The following CLSTN2 variants were observed in gnomAD, a reference collection of about 807,000 sequenced individuals.
CLSTN2 encodes calsyntenin-2.
CLSTN2 carries 48 observed loss-of-function variants against 101.2 expected under a neutral mutation model. The observed-to-expected ratio is 0.47, with a 90% CI of 0.38 to 0.60. The LOEUF (loss-of-function observed/expected upper bound fraction) is 0.60, where lower values mean the gene tolerates loss of function less well. Ranked by LOEUF, CLSTN2 falls within the 20% of genes least tolerant of loss-of-function variation. The probability of loss-of-function intolerance (pLI) is 0.00; values close to 1 mark genes in which losing one functional copy is unlikely to be tolerated. For synonymous variants in CLSTN2, 481 were observed against 463.6 expected (o/e 1.04, Z -0.48); for missense variants, 1,160 against 1,238.2 (o/e 0.94, Z 0.95).
intron 2 of CLSTN2, among the ~76,000 whole-genome samples, chr3:140,213,462 G>T (rs1400673164): frequency 1.3e-5 from 2 of 152,224 alleles, no homozygotes; most frequent in East Asian, 3.8e-4. Flanking sequence ...AGCTGTGGCA[G>T]GAGCTAGTCC....
intron 2 of CLSTN2, among the ~76,000 whole-genome samples, chr3:140,356,367 C>T (rs1406302896): frequency 2.0e-5 from 3 of 152,166 alleles, no homozygotes; most frequent in African/African-American, 7.2e-5. Flanking sequence ...GATATCTTTG[C>T]ACCAAAACTT....
At chr3:140,200,163 T>C (rs2010700082) in intron 2 of CLSTN2, among the ~76,000 whole-genome samples, 1 of 152,190 alleles carries the variant, frequency 6.6e-6, no homozygotes, top group Non-Finnish European at 1.5e-5. Flanking sequence ...AGTCCCAAGT[T>C]TGATCTTGAT....
chr3:140,060,539 C>T (rs1041804608), intron 1 of CLSTN2, among the ~76,000 whole-genome samples: 2 of 152,206 alleles, frequency 1.3e-5, no homozygotes, highest in African/African-American at 4.8e-5. Flanking sequence ...AGCTCTGACA[C>T]TTCCTGGCTG....
intron 10 of CLSTN2, among the ~76,000 whole-genome samples, chr3:140,547,943 G>C (rs1935631172): frequency 6.6e-6 from 1 of 152,212 alleles, no homozygotes; most frequent in Non-Finnish European, 1.5e-5. Flanking sequence ...CATTTCCCCA[G>C]AGAATGTGAC....
intron 2 of CLSTN2, among the ~76,000 whole-genome samples, chr3:140,370,772 A>G (rs1055841875): frequency 6.6e-6 from 1 of 152,310 alleles, no homozygotes; most frequent in East Asian, 1.9e-4. Flanking sequence ...GGAGCTGAAT[A>G]GCTTTTTCTG....
At position 140,568,107 on chromosome 3, in the gene CLSTN2, G is replaced by A. The variant is rs1985358279; in HGVS notation, c.*1854G>A. 2 of 152,178 alleles carry A rather than the reference G, an allele frequency of 1.3e-5. No individual in the cohort carries two copies. Among genetic ancestry groups the A allele is most frequent in the Admixed American group, 1.3e-4 (2 of 15,282 alleles). 9.4% of individuals were successfully genotyped at this position (152,178 alleles called of 1,614,324 possible). A position where few individuals can be genotyped will look rare whatever the true frequency, so the allele number is the denominator to read the frequency against. On this transcript the variant is annotated 3_prime_UTR_variant, in exon 17 of 17. Transcript: ENST00000458420. ...TTGTTCAGAGTCATTCAAAAGTATA[G>A]ACAAGACCAGTCTCCCCAACTTCCA...
intron 2 of CLSTN2, among the ~76,000 whole-genome samples, chr3:140,335,592 A>T (rs2107932462): frequency 6.7e-6 from 1 of 149,768 alleles, no homozygotes; most frequent in South Asian, 2.1e-4. Flanking sequence ...GACATAAAAG[A>T]CAGCTAGGGT....
chr3:140,060,129 T>C (rs1240742105), intron 1 of CLSTN2, among the ~76,000 whole-genome samples: 1 of 152,204 alleles, frequency 6.6e-6, no homozygotes, highest in Non-Finnish European at 1.5e-5. Context: ...GTTCCTGGCA[T>C]ATAGGAAGAG....
intron 2 of CLSTN2, among the ~76,000 whole-genome samples, chr3:140,353,545 C>T (rs781049480): frequency 1.2e-4 from 18 of 152,110 alleles, no homozygotes; most frequent in African/African-American, 3.9e-4. Flanking sequence ...CTGACTCAAA[C>T]GTTAATCTCC....
chr3:140,536,011 C>T (rs1410242129), intron 9 of CLSTN2, among the ~76,000 whole-genome samples: 1 of 136,544 alleles, frequency 7.3e-6, no homozygotes, highest in African/African-American at 2.5e-5. Context: ...GTTCCCCTTA[C>T]TAATCTTTTA....
chr3:140,541,390 T>G (rs527862380), intron 9 of CLSTN2, among the ~76,000 whole-genome samples: 27 of 152,222 alleles, frequency 1.8e-4, no homozygotes, highest in Non-Finnish European at 7.3e-5. Flanking sequence ...AATTTACAAT[T>G]ATTCATTTTC....
chr3:140,533,481 G>T (rs1017167908), intron 9 of CLSTN2, among the ~76,000 whole-genome samples: 2 of 152,006 alleles, frequency 1.3e-5, no homozygotes. Context: ...AGGCCAAAGC[G>T]GGCAGATCAC....
chr3:140,468,996 T>G (rs1933773072), intron 8 of CLSTN2, among the ~76,000 whole-genome samples: 1 of 152,184 alleles, frequency 6.6e-6, no homozygotes. Context: ...GGTGCCAATT[T>G]GGTTCCTGTT....
At chr3:140,459,473 G>C in intron 6 of CLSTN2, 48 bp from the exon 7 acceptor site, 1 of 1,603,630 alleles carries the variant, frequency 6.2e-7, no homozygotes. Context: ...AAACAGATGA[G>C]GACACCGCAT....
intron 1 of CLSTN2, among the ~76,000 whole-genome samples, chr3:140,132,166 T>G (rs986857490): frequency 6.6e-6 from 1 of 152,162 alleles, no homozygotes; most frequent in African/African-American, 2.4e-5. Flanking sequence ...CTCATGTTGG[T>G]TTGAAGTTTA....
intron 2 of CLSTN2, among the ~76,000 whole-genome samples, chr3:140,373,515 T>C (rs1257312577): frequency 7.9e-5 from 12 of 152,150 alleles, no homozygotes. Context: ...AGCAGGAAAA[T>C]CAGAGACCAA....
chr3:140,227,878 C>T (rs2086336911), intron 2 of CLSTN2, among the ~76,000 whole-genome samples: 1 of 152,172 alleles, frequency 6.6e-6, no homozygotes, highest in Non-Finnish European at 1.5e-5. Context: ...GGCTGGGACA[C>T]AGGACACCAA....
At chr3:140,240,624 C>G (rs2086459228) in intron 2 of CLSTN2, among the ~76,000 whole-genome samples, 1 of 152,088 alleles carries the variant, frequency 6.6e-6, no homozygotes, top group Non-Finnish European at 1.5e-5. Context: ...AGCACTCTTA[C>G]TACCAGGATG....
chr3:140,389,084 GTAT>G (rs1269798675), intron 2 of CLSTN2, among the ~76,000 whole-genome samples: 2 of 152,126 alleles, frequency 1.3e-5, no homozygotes, highest in Non-Finnish European at 2.9e-5. Context: ...TTGCTAACAT[GTAT>G]TATTAAGGAT....
Sources: gnomAD v4.1 joint callset for allele counts (sites outside exome capture counted in the v4.1 genomes callset) on GRCh38, gnomAD v4.1.1 for gene constraint, MANE v1.5 for transcripts, NCBI Gene and HGNC (gene_info 2026-07-23, HGNC 2026-07-21) for gene names.